Variants in CCDC85A observed in about 807,000 individuals in gnomAD.
CCDC85A encodes the protein coiled-coil domain-containing protein 85A.
A neutral mutation model predicts 50.2 loss-of-function variants in CCDC85A; 38 were observed. The ratio of observed to expected loss-of-function variants is 0.76; its 90% CI spans 0.58 to 0.99. The LOEUF is 0.99. Ranked by LOEUF, CCDC85A falls within the 50% of genes least tolerant of loss-of-function variation. The pLI, the probability that CCDC85A is intolerant of heterozygous loss-of-function variation, is 0.00. For missense variants in CCDC85A, 820 were observed against 742.0 expected (o/e 1.11, Z -1.22); for synonymous variants, 366 against 301.4 (o/e 1.21, Z -2.22).
rs1425695029 is a variant in CCDC85A, at chr2:56,344,930, A to C, written c.1317+1975A>C. Reference sequence around the variant, plus strand: ...CTAATAGCATGTATGCCATCTTATCAAAAAAAAAAAGAGGCACAACAAATG... The same window carrying C: ...CTAATAGCATGTATGCCATCTTATCCAAAAAAAAAAGAGGCACAACAAATG... On this transcript the variant is annotated intron_variant, in intron 3 of 5. Coordinates refer to ENST00000407595, the MANE Select transcript of CCDC85A (RefSeq NM_001080433.2). Among the ~76,000 whole-genome samples, 23 of 72,638 alleles carry C rather than the reference A, an allele frequency of 3.2e-4. No individual in the cohort carries two copies. The African/African-American group carries it at 3.5e-3, about 11-fold the overall frequency. The allele number at this position is 72,638 out of a possible 152,430, so 47.7% of individuals were successfully genotyped here. A position where few individuals can be genotyped will look rare whatever the true frequency, so the allele number is the denominator to read the frequency against.
At chr2:56,363,141 A>G (rs1558659843) in intron 3 of CCDC85A, among the ~76,000 whole-genome samples, 1 of 152,334 alleles carries the variant, frequency 6.6e-6, no homozygotes, top group East Asian at 1.9e-4. Flanking sequence ...ACAGATAAAC[A>G]TATTTTTAAA....
chr2:56,376,557 C>T (rs771145731), intron 5 of CCDC85A, among the ~76,000 whole-genome samples: 1 of 152,084 alleles, frequency 6.6e-6, no homozygotes, highest in Non-Finnish European at 1.5e-5. Context: ...TAAAATTTGT[C>T]ATCTATTTTC....
At chr2:56,278,638 A>G (rs1411086893) in intron 2 of CCDC85A, among the ~76,000 whole-genome samples, 2 of 152,042 alleles carry the variant, frequency 1.3e-5, no homozygotes, top group African/African-American at 4.8e-5. Context: ...CAGTGGCACA[A>G]TCTCGGCTCA....
chr2:56,335,838 G>C (rs1210282819), intron 2 of CCDC85A, among the ~76,000 whole-genome samples: 4 of 151,962 alleles, frequency 2.6e-5, no homozygotes, highest in Non-Finnish European at 5.9e-5. Flanking sequence ...CTGACCTCGT[G>C]GTCCGCCTGC....
At chr2:56,312,458 G>A (rs1204483703) in intron 2 of CCDC85A, among the ~76,000 whole-genome samples, 1 of 152,130 alleles carries the variant, frequency 6.6e-6, no homozygotes, top group East Asian at 1.9e-4. Flanking sequence ...TACAATTTAT[G>A]ATGCATTAGG....
chr2:56,201,220 C>G (rs1381113725), intron 2 of CCDC85A, among the ~76,000 whole-genome samples: 2 of 151,780 alleles, frequency 1.3e-5, no homozygotes, highest in African/African-American at 4.8e-5. Flanking sequence ...TTTATACCTC[C>G]TTCACCTTCA....
intron 2 of CCDC85A, among the ~76,000 whole-genome samples, chr2:56,250,048 A>G (rs1215395675): frequency 1.3e-5 from 2 of 152,212 alleles, no homozygotes; most frequent in Admixed American, 6.5e-5. Flanking sequence ...GGGGCTTTGT[A>G]GATGATATCT....
At chr2:56,313,400 G>A (rs17047786) in intron 2 of CCDC85A, among the ~76,000 whole-genome samples, 4,177 of 152,150 alleles carry the variant, frequency 0.027, 173 homozygotes, top group African/African-American at 0.094. Context: ...AAAGGTAATT[G>A]AATCTGAAGT....
intron 2 of CCDC85A, among the ~76,000 whole-genome samples, chr2:56,323,158 C>T (rs567167092): frequency 4.0e-5 from 6 of 151,666 alleles, no homozygotes; most frequent in Admixed American, 6.6e-5. Context: ...GTGGGTGAAG[C>T]GGGGAGGGAT....
rs189074322 is a variant in CCDC85A at position 56,329,068 on chromosome 2, T to A, written c.1241-13811T>A. Among the ~76,000 whole-genome samples the A allele has an allele frequency of 3.9e-3, 601 of 152,280 alleles. 3 individuals carry two copies. The highest frequency in any genetic ancestry group is 9.5e-3 in the South Asian group (46 of 4,824). On this transcript the variant is annotated intron_variant, in intron 2 of 5. Transcript: ENST00000407595. ...CTGATGCCCTGGGACTTGTCTCCTT[T>A]CCAGGAGACAACTGCATCCTCCCTG...
At position 56,328,552 on chromosome 2, in the gene CCDC85A, A is replaced by G. The variant is rs555763302; in HGVS notation, c.1241-14327A>G. 3.7e-4 allele frequency among the ~76,000 whole-genome samples: 56 copies of G among 152,268 alleles called. No homozygotes were observed. In the South Asian group the frequency reaches 5.4e-3, roughly 15 times the overall value. On this transcript the variant is annotated intron_variant, in intron 2 of 5. Coordinates refer to ENST00000407595, the MANE Select transcript of CCDC85A (RefSeq NM_001080433.2). ...TCTTCTCTGAGCTCCAGACCCACCT[A>G]TGTAACTGCTTATTCTGCATCTTCC...
chr2:56,257,715 G>A (rs903874895), intron 2 of CCDC85A, among the ~76,000 whole-genome samples: 5 of 152,132 alleles, frequency 3.3e-5, no homozygotes, highest in East Asian at 3.9e-4. Flanking sequence ...TCTACAAGGC[G>A]AATTAGAGAA....
At position 56,298,650 on chromosome 2, in the gene CCDC85A, A is replaced by G. The variant is rs538699532; in HGVS notation, c.1241-44229A>G. Among the ~76,000 whole-genome samples, 10 of 152,268 alleles carry G rather than the reference A, an allele frequency of 6.6e-5. No homozygotes were observed. The South Asian group carries it at 1.5e-3, about 22-fold the overall frequency. ...GTTTCGATTTTTAAAAACTTTTTCT[A>G]GGATAACTGGAATCCAGGAGATCAC... On this transcript the variant is annotated intron_variant, in intron 2 of 5. Transcript: ENST00000407595.
chr2:56,352,149 T>C (rs1674980295), intron 3 of CCDC85A, among the ~76,000 whole-genome samples: 2 of 152,208 alleles, frequency 1.3e-5, no homozygotes, highest in Non-Finnish European at 2.9e-5. Context: ...AACATGCTTA[T>C]AAATATAACG....
At chr2:56,238,473 T>G (rs1669119063) in intron 2 of CCDC85A, among the ~76,000 whole-genome samples, 1 of 150,944 alleles carries the variant, frequency 6.6e-6, no homozygotes. Context: ...AAAAACAACA[T>G]ATTTATGTTT....
intron 5 of CCDC85A, among the ~76,000 whole-genome samples, chr2:56,378,143 G>C (rs1676425521): frequency 1.3e-5 from 2 of 152,172 alleles, no homozygotes; most frequent in South Asian, 4.2e-4. Context: ...AGAAATTATG[G>C]CCACTTGACA....
intron 2 of CCDC85A, among the ~76,000 whole-genome samples, chr2:56,233,046 C>T (rs4643583): frequency 0.044 from 6,691 of 152,246 alleles, 169 homozygotes; most frequent in South Asian, 0.1. Context: ...CCTGTAAGGC[C>T]TGTCTGCGTT....
chr2:56,267,932 G>A (rs6756092), intron 2 of CCDC85A, among the ~76,000 whole-genome samples: 47,062 of 151,968 alleles, frequency 0.31, 7,396 homozygotes, highest in South Asian at 0.36. Flanking sequence ...CAGAAAAGCT[G>A]TATCAACAAT....
intron 3 of CCDC85A, among the ~76,000 whole-genome samples, chr2:56,348,783 C>T (rs1270292001): frequency 6.6e-6 from 1 of 152,190 alleles, no homozygotes; most frequent in Non-Finnish European, 1.5e-5. Context: ...AGGCTTCTCT[C>T]AGACTCATTA....
Sources: allele counts gnomAD v4.1 joint callset (sites outside exome capture counted in the v4.1 genomes callset), GRCh38; gene constraint gnomAD v4.1.1; transcripts MANE v1.5; gene names NCBI Gene and HGNC (gene_info 2026-07-23, HGNC 2026-07-21).